The following COL5A1 variants were observed in gnomAD, a reference collection of about 807,000 sequenced individuals.
COL5A1 encodes the protein collagen type V alpha 1 chain, also known as collagen alpha-1(V) chain.
A neutral mutation model predicts 263.7 loss-of-function variants in COL5A1; 16 were observed. That is an observed-to-expected ratio of 0.06 (90% CI 0.04 to 0.09). COL5A1 has a LOEUF of 0.09. Among genes scored for constraint, COL5A1 ranks in the 10% least tolerant of loss-of-function variants. COL5A1 has a pLI of 1.00. For synonymous variants in COL5A1, 1,012 were observed against 1,004.5 expected (o/e 1.01, Z -0.14); for missense variants, 2,036 against 2,540.5 (o/e 0.80, Z 4.27).
chr9:134,666,031 G>A (rs1832344171), intron 1 of COL5A1, among the ~76,000 whole-genome samples: 1 of 152,154 alleles, frequency 6.6e-6, no homozygotes, highest in Admixed American at 6.5e-5. Context: ...AGGTTGCAGT[G>A]AGCCGAGATC....
chr9:134,784,653 T>G (rs561144363), intron 29 of COL5A1, among the ~76,000 whole-genome samples: 1 of 152,366 alleles, frequency 6.6e-6, no homozygotes, highest in Non-Finnish European at 1.5e-5. Flanking sequence ...GAGCTACTAT[T>G]GTTAACCAAA....
rs531071038 is a variant in COL5A1, at chr9:134,758,838, G to A, written c.1935+542G>A. Among the ~76,000 whole-genome samples the A allele has an allele frequency of 3.6e-4, 55 of 152,292 alleles. No homozygotes were observed. The highest frequency in any genetic ancestry group is 1.3e-3 in the African/African-American group (54 of 41,548). On this transcript the variant is annotated intron_variant, in intron 18 of 65. Transcript: ENST00000371817. The surrounding 1 kb of genome is among the most constrained non-coding windows in gnomAD (Gnocchi z 4.1). ...GTCCCGAGCTAGTGCGGTGACCTGG[G>A]GGTCTTCCTGGCTGCGCCGTTTCTA... is the stretch of plus-strand genomic sequence containing the variant.
intron 4 of COL5A1, among the ~76,000 whole-genome samples, chr9:134,723,863 A>G (rs910208781): frequency 1.3e-5 from 2 of 151,200 alleles, no homozygotes; most frequent in Non-Finnish European, 3.0e-5. Context: ...GCTGCCTGGA[A>G]TGTTGGGTGG....
At chr9:134,812,788 CTG>C (rs1455722782) in intron 48 of COL5A1, 76 bp downstream of exon 48, 3 of 918,492 alleles carry the variant, frequency 3.3e-6, no homozygotes, top group African/African-American at 3.5e-5. Flanking sequence ...GTGTGTGTGT[CTG>C]TGTGTATGTG....
chr9:134,813,949 A>G (rs1016670005), intron 48 of COL5A1, 34 bp from the exon 49 acceptor site: 3 of 1,549,722 alleles, frequency 1.9e-6, no homozygotes, highest in Admixed American at 2.0e-5. Flanking sequence ...CGCGGTGCTC[A>G]CCGCTGCCAT....
At chr9:134,692,442 C>A (rs754007113) in intron 2 of COL5A1, among the ~76,000 whole-genome samples, 43 of 152,194 alleles carry the variant, frequency 2.8e-4, no homozygotes, top group Non-Finnish European at 6.0e-4. Context: ...CTCACTTGGA[C>A]CTTGGCCCAG....
rs1351522541 is a variant in COL5A1, at chr9:134,765,107, G to T, written c.2035-574G>T. Among the ~76,000 whole-genome samples the T allele has an allele frequency of 6.6e-6, 1 of 152,116 alleles. No homozygotes were observed. Among genetic ancestry groups the T allele is most frequent in the African/African-American group, 2.4e-5 (1 of 41,412 alleles). ...GAGCCTCGCCGACCGGAGAGGGCGT[G>T]CCAGCTCTTGCCCAGAGTAGCGTCC... On this transcript the variant is annotated intron_variant, in intron 20 of 65. Coordinates refer to ENST00000371817, the MANE Select transcript of COL5A1 (RefSeq NM_000093.5). The surrounding 1 kb of genome is among the most constrained non-coding windows in gnomAD (Gnocchi z 5.1).
rs1835282744 is a variant in COL5A1 at position 134,741,036 on chromosome 9, G to T, written c.1494+2228G>T. Among the ~76,000 whole-genome samples, 2 of 152,296 alleles carry T rather than the reference G, an allele frequency of 1.3e-5. No individual in the cohort carries two copies. Among genetic ancestry groups the T allele is most frequent in the African/African-American group, 4.8e-5 (2 of 41,556 alleles). ...AGCTGAGAGCTGACCACCCCTCTGG[G>T]TCCAGCTCCGGCCAGCCTTGTTCAG... On this transcript the variant is annotated intron_variant, in intron 11 of 65. Transcript: ENST00000371817. The surrounding 1 kb of genome is among the most constrained non-coding windows in gnomAD (Gnocchi z 4.5).
rs549986204 is a variant in COL5A1 at position 134,716,445 on chromosome 9, C to T, written c.655-10821C>T. On this transcript the variant is annotated intron_variant, in intron 4 of 65. Transcript: ENST00000371817. This position sits in a 1 kb window ranked among gnomAD's most constrained non-coding sequence, Gnocchi z 4.5. ...CCATAAAACAGTGTCTGCAGGCCCG[C>T]TGCTCCGAAAGTCAAGATGTGGAGA... Among the ~76,000 whole-genome samples the T allele has an allele frequency of 6.6e-6, 1 of 150,860 alleles. No individual in the cohort carries two copies. Among genetic ancestry groups the T allele is most frequent in the East Asian group, 1.9e-4 (1 of 5,170 alleles).
chr9:134,727,994 C>T (rs1834723021), intron 5 of COL5A1, among the ~76,000 whole-genome samples: 1 of 152,238 alleles, frequency 6.6e-6, no homozygotes, highest in African/African-American at 2.4e-5. Context: ...TGCTCTCCCA[C>T]TCCCTGGGCC....
Position 134,765,616 on chromosome 9 carries a change from G to C in COL5A1, c.2035-65G>C. ...TGGAGTCAGGGCCAAGTGGGCATAG[G>C]GGACAGAGAGGAGGGCTGGGATTTC... On this transcript the variant is annotated intron_variant, in intron 20 of 65. Coordinates refer to ENST00000371817, the MANE Select transcript of COL5A1 (RefSeq NM_000093.5). This position sits in a 1 kb window ranked among gnomAD's most constrained non-coding sequence, Gnocchi z 5.1. 6.9e-7 allele frequency: 1 copy of C among 1,456,932 alleles called. No homozygotes were observed. The highest frequency in any genetic ancestry group is 1.7e-5 in the Admixed American group (1 of 59,586). 90.3% of individuals were successfully genotyped at this position (1,456,932 alleles called of 1,614,324 possible).
chr9:134,840,630 C>A (rs912030090), intron 65 of COL5A1, among the ~76,000 whole-genome samples: 1 of 152,170 alleles, frequency 6.6e-6, no homozygotes, highest in Non-Finnish European at 1.5e-5. Flanking sequence ...TTCGCTGCCA[C>A]GACAAATCTC....
At chr9:134,666,422 G>A (rs1322459901) in intron 1 of COL5A1, among the ~76,000 whole-genome samples, 1 of 152,214 alleles carries the variant, frequency 6.6e-6, no homozygotes, top group African/African-American at 2.4e-5. Context: ...GGCCTCAGGC[G>A]AGTCTGTCCA....
At chr9:134,803,070 C>A in intron 39 of COL5A1, 75 bp downstream of exon 39, 1 of 1,238,620 alleles carries the variant, frequency 8.1e-7, no homozygotes, top group Non-Finnish European at 1.2e-6. Flanking sequence ...GTTTTTCTTG[C>A]CCTTTTCTGA....
intron 1 of COL5A1, among the ~76,000 whole-genome samples, chr9:134,685,206 A>ATCCATCCG (rs1832991652): frequency 1.4e-5 from 2 of 140,168 alleles, no homozygotes; most frequent in African/African-American, 2.7e-5. Flanking sequence ...CCATCCATCC[A>ATCCATCCG]TCCATCCACC....
At chr9:134,695,829 A>G (rs796515693) in intron 2 of COL5A1, among the ~76,000 whole-genome samples, 28 of 152,280 alleles carry the variant, frequency 1.8e-4, no homozygotes, top group African/African-American at 6.5e-4. Context: ...TTCCAGAACC[A>G]AGTTATCCCT....
chr9:134,789,312 T>C lies in COL5A1; in HGVS notation c.2700+104T>C. ...CCTGTTTATTTCTCACTCTCTTGCTTCTGAAACTGCTCTCCTGAATGGCTG... is the reference window on the plus strand; with the variant it reads ...CCTGTTTATTTCTCACTCTCTTGCTCCTGAAACTGCTCTCCTGAATGGCTG... On this transcript the variant is annotated intron_variant, in intron 32 of 65. Coordinates refer to ENST00000371817, the MANE Select transcript of COL5A1 (RefSeq NM_000093.5). This position sits in a 1 kb window ranked among gnomAD's most constrained non-coding sequence, Gnocchi z 4.8. 1.1e-6 allele frequency: 1 copy of C among 928,942 alleles called. No homozygotes were observed. The highest frequency in any genetic ancestry group is 1.7e-6 in the Non-Finnish European group (1 of 583,870). 57.5% of individuals were successfully genotyped at this position (928,942 alleles called of 1,614,324 possible). A position where few individuals can be genotyped will look rare whatever the true frequency, so the allele number is the denominator to read the frequency against.
chr9:134,727,429 C>T, intron 5 of COL5A1, 32 bp downstream of exon 5: 3 of 1,613,006 alleles, frequency 1.9e-6, no homozygotes, highest in South Asian at 1.1e-5. Flanking sequence ...TCTTGGGGAG[C>T]ATGAGCAGAC....
Position 134,730,474 on chromosome 9 carries a change from A to T in COL5A1, c.1163A>T (p.Asn388Ile). Residue 388 changes from asparagine (N) to isoleucine (I), a missense_variant and splice_region_variant, in exon 7 of 66, where the codon AAT becomes ATT. Physicochemically the swap from Asn to Ile is moderately radical, Grantham distance 149. This residue lies in a region of COL5A1 where 600 missense variants were observed against 634.5 expected (regional missense o/e 0.95). Transcript: ENST00000371817. Reference sequence around the variant, plus strand: ...ACCGCCGACACCTCCAACTCCTCCAATGTAATTTCTTTCCTTCCCATTGGT... The same window carrying T: ...ACCGCCGACACCTCCAACTCCTCCATTGTAATTTCTTTCCTTCCCATTGGT... The part of the protein sequence containing the change: ...TSTADTSNSS[N>I]PAPPPGEGAD... 6.2e-7 allele frequency: 1 copy of T among 1,613,842 alleles called. No individual in the cohort carries two copies. The highest frequency in any genetic ancestry group is 1.3e-5 in the African/African-American group (1 of 75,018).
Sources: allele counts gnomAD v4.1 joint callset (sites outside exome capture counted in the v4.1 genomes callset), GRCh38; gene constraint gnomAD v4.1.1; regional missense constraint gnomAD v4.1.1; non-coding constraint Gnocchi (gnomAD v3.1); transcripts MANE v1.5; gene names NCBI Gene and HGNC (gene_info 2026-07-23, HGNC 2026-07-21).